ANKS1B: variants seen among roughly 807,000 people sequenced by gnomAD.
ANKS1B encodes ankyrin repeat and sterile alpha motif domain containing 1B.
Under a neutral mutation model 148.3 loss-of-function variants are expected in ANKS1B, and 36 were observed. The ratio of observed to expected loss-of-function variants is 0.24; its 90% CI spans 0.19 to 0.32. The LOEUF (loss-of-function observed/expected upper bound fraction) is 0.32, where lower values mean the gene tolerates loss of function less well. Among genes scored for constraint, ANKS1B ranks in the 10% least tolerant of loss-of-function variants. ANKS1B has a pLI of 1.00. For synonymous variants in ANKS1B, 542 were observed against 560.8 expected (o/e 0.97, Z 0.47); for missense variants, 1,157 against 1,542.6 (o/e 0.75, Z 4.19).
intron 17 of ANKS1B, among the ~76,000 whole-genome samples, chr12:98,837,039 A>G (rs1273693846): frequency 1.3e-5 from 2 of 152,178 alleles, no homozygotes; most frequent in African/African-American, 4.8e-5. Flanking sequence ...AATAGATAAG[A>G]AATAAAAGTT....
At chr12:98,966,109 G>A (rs1189229131) in intron 17 of ANKS1B, among the ~76,000 whole-genome samples, 2 of 152,166 alleles carry the variant, frequency 1.3e-5, no homozygotes, top group Non-Finnish European at 1.5e-5. Context: ...GAGTGAACAG[G>A]CAACCTACAG....
intron 1 of ANKS1B, among the ~76,000 whole-genome samples, chr12:99,834,309 A>G (rs1465255164): frequency 6.6e-6 from 1 of 152,192 alleles, no homozygotes; most frequent in Non-Finnish European, 1.5e-5. Context: ...TTATTCCAAA[A>G]AAAGCAATTT....
At chr12:99,084,791 A>G (rs866423337) in intron 16 of ANKS1B, 134 bp downstream of exon 16, 1 of 643,344 alleles carries the variant, frequency 1.6e-6, no homozygotes. Flanking sequence ...GTGCAGTTGG[A>G]CCTAAGAAGA....
intron 15 of ANKS1B, among the ~76,000 whole-genome samples, chr12:99,109,860 T>G (rs1351193706): frequency 6.6e-6 from 1 of 152,138 alleles, no homozygotes; most frequent in Non-Finnish European, 1.5e-5. Flanking sequence ...TATTCACCAA[T>G]CTCATTTAAC....
chr12:99,234,724 T>G (rs1012349028), intron 14 of ANKS1B, among the ~76,000 whole-genome samples: 5 of 152,064 alleles, frequency 3.3e-5, no homozygotes, highest in Non-Finnish European at 7.4e-5. Context: ...AAGCAGCTGG[T>G]AAATAACAGA....
At chr12:99,457,833 G>A (rs193075193) in intron 10 of ANKS1B, among the ~76,000 whole-genome samples, 14 of 152,144 alleles carry the variant, frequency 9.2e-5, no homozygotes, top group African/African-American at 3.4e-4. Flanking sequence ...AATAGTCGGG[G>A]ACTTCAATAT....
chr12:99,403,695 C>T (rs1018141877), intron 11 of ANKS1B, among the ~76,000 whole-genome samples: 1 of 145,272 alleles, frequency 6.9e-6, no homozygotes. Context: ...CACTTATACA[C>T]TGTTGATGGG....
At chr12:99,846,175 T>C (rs1158514336) in intron 1 of ANKS1B, among the ~76,000 whole-genome samples, 1 of 152,146 alleles carries the variant, frequency 6.6e-6, no homozygotes. Context: ...TTTTTTGTTT[T>C]ATAATCTGAG....
intron 9 of ANKS1B, among the ~76,000 whole-genome samples, chr12:99,586,299 C>G (rs4523787): frequency 0.013 from 1,999 of 152,286 alleles, 39 homozygotes; most frequent in African/African-American, 0.046. Flanking sequence ...AAAATGCCAC[C>G]AGTCTCCTTG....
intron 17 of ANKS1B, among the ~76,000 whole-genome samples, chr12:98,895,659 G>C (rs903801931): frequency 6.6e-6 from 1 of 152,194 alleles, no homozygotes; most frequent in Non-Finnish European, 1.5e-5. Context: ...TCGGCCTCCA[G>C]TAGACTTGGA....
In ANKS1B at chr12:98,751,791, C is replaced by T. The variant is rs1275888488; in HGVS notation, c.3580-269G>A. ...AAAGTCAGCTGGGAACTGTGTTGGG[C>T]AAACCTGCCTTGCATTCTATTCCTA... On this transcript the variant is annotated intron_variant, in intron 25 of 26. Transcript: ENST00000683438. This position sits in a 1 kb window ranked among gnomAD's most constrained non-coding sequence, Gnocchi z 4.3. Among the ~76,000 whole-genome samples, 1 of 152,190 alleles carries T rather than the reference C, an allele frequency of 6.6e-6. No individual in the cohort carries two copies. Among genetic ancestry groups the T allele is most frequent in the Non-Finnish European group, 1.5e-5 (1 of 68,024 alleles).
chr12:99,630,694 A>G (rs2098149266), intron 9 of ANKS1B, among the ~76,000 whole-genome samples: 2 of 152,340 alleles, frequency 1.3e-5, no homozygotes, highest in African/African-American at 2.4e-5. Context: ...GATCTTTAAG[A>G]GAAAATATTT....
In ANKS1B at chr12:98,751,599, G is replaced by T; in HGVS notation, c.3580-77C>A. 7.0e-7 allele frequency: 1 copy of T among 1,424,406 alleles called. No homozygotes were observed. The highest frequency in any genetic ancestry group is 9.8e-7 in the Non-Finnish European group (1 of 1,025,428). The allele number at this position is 1,424,406 out of a possible 1,614,324, so 88.2% of individuals were successfully genotyped here. A position where few individuals can be genotyped will look rare whatever the true frequency, so the allele number is the denominator to read the frequency against. On this transcript the variant is annotated intron_variant, in intron 25 of 26. Transcript: ENST00000683438. This position sits in a 1 kb window ranked among gnomAD's most constrained non-coding sequence, Gnocchi z 4.3. ...GGGTCGAATGGCTGAGGAACACTGA[G>T]GGAGGTGAACTAGGGAGGAACTTGA...
chr12:99,687,351 A>G (rs1029449211), intron 8 of ANKS1B, among the ~76,000 whole-genome samples: 3 of 152,124 alleles, frequency 2.0e-5, no homozygotes, highest in Admixed American at 2.0e-4. Context: ...AGTTTATTCA[A>G]CTTATTGGAT....
chr12:99,737,498 T>C (rs1446998150), intron 8 of ANKS1B, among the ~76,000 whole-genome samples: 1 of 152,102 alleles, frequency 6.6e-6, no homozygotes, highest in African/African-American at 2.4e-5. Flanking sequence ...GCAAACTTAA[T>C]CAAGTAATGG....
Position 99,976,262 on chromosome 12 carries a change from G to C in ANKS1B, c.134+7842C>G, listed in dbSNP as rs1326702392. ...ACTATGCTCACTACCTAGGTGACAG[G>C]ATCCATGCTCCAAACCTCAGTGTCA... On this transcript the variant is annotated intron_variant, in intron 1 of 26. Coordinates refer to ENST00000683438, the MANE Select transcript of ANKS1B (RefSeq NM_001352186.2). 2.0e-5 allele frequency among the ~76,000 whole-genome samples: 3 copies of C among 152,144 alleles called. No homozygotes were observed. The East Asian group carries it at 5.8e-4, about 29-fold the overall frequency.
In ANKS1B at chr12:99,582,631, G is replaced by A. The variant is rs888971450; in HGVS notation, c.1272+72436C>T. ...CTATTAGTATGTAAATGAAGACAAC[G>A]CAATACTATGTGATCTGTGAAAGCA... On this transcript the variant is annotated intron_variant, in intron 9 of 26. Transcript: ENST00000683438. Among the ~76,000 whole-genome samples the A allele has an allele frequency of 1.3e-4, 20 of 152,158 alleles. 1 individual carries two copies. The South Asian group carries it at 1.7e-3, about 13-fold the overall frequency.
intron 1 of ANKS1B, among the ~76,000 whole-genome samples, chr12:99,908,745 A>G (rs1165132268): frequency 2.0e-5 from 3 of 152,204 alleles, no homozygotes; most frequent in African/African-American, 7.2e-5. Flanking sequence ...TTTATCGTAA[A>G]TACTTAAGGT....
chr12:99,292,326 C>CTAAAAATAAAAATAAAAATAAAAA (rs60100516), intron 12 of ANKS1B, among the ~76,000 whole-genome samples: 4 of 139,506 alleles, frequency 2.9e-5, no homozygotes, highest in African/African-American at 1.2e-4. Context: ...CCCATCTCTA[C>CTAAAAATAAAAATAAAAATAAAAA]TAAAAATAAA....
Sources: gnomAD v4.1 joint callset for allele counts (sites outside exome capture counted in the v4.1 genomes callset) on GRCh38, gnomAD v4.1.1 for gene constraint, Gnocchi (gnomAD v3.1) non-coding constraint, MANE v1.5 for transcripts, NCBI Gene and HGNC (gene_info 2026-07-23, HGNC 2026-07-21) for gene names.